TMEM39B: variants seen among roughly 807,000 people sequenced by gnomAD.
The protein encoded by TMEM39B is transmembrane protein 39B.
TMEM39B carries 23 observed loss-of-function variants against 52.2 expected under a neutral mutation model. The observed-to-expected ratio is 0.44, with a 90% CI of 0.32 to 0.62. The LOEUF is 0.62. Among genes scored for constraint, TMEM39B ranks in the 20% least tolerant of loss-of-function variants. The pLI is 0.06. For synonymous variants in TMEM39B, 285 were observed against 264.0 expected (o/e 1.08, Z -0.77); for missense variants, 547 against 642.0 (o/e 0.85, Z 1.60).
At chr1:32,075,873 T>G in intron 3 of TMEM39B, 51 bp downstream of exon 3, 2 of 1,200,528 alleles carry the variant, frequency 1.7e-6, no homozygotes, top group Non-Finnish European at 1.2e-6. Context: ...TGCGTGTGTG[T>G]GTATGTGTGT....
chr1:32,080,077 A>G (rs1640030427), intron 5 of TMEM39B, among the ~76,000 whole-genome samples: 1 of 151,692 alleles, frequency 6.6e-6, no homozygotes, highest in Non-Finnish European at 1.5e-5. Context: ...CTTAGTAGAG[A>G]TGGGGTTTCA....
At chr1:32,077,104 G>A in intron 4 of TMEM39B, 60 bp from the exon 5 acceptor site, 1 of 1,596,916 alleles carries the variant, frequency 6.3e-7, no homozygotes, top group South Asian at 1.1e-5. Context: ...GTGGGATTTG[G>A]GCACAGCCCC....
intron 5 of TMEM39B, among the ~76,000 whole-genome samples, chr1:32,084,474 A>G (rs184949268): frequency 1.1e-4 from 16 of 152,284 alleles, no homozygotes; most frequent in African/African-American, 2.6e-4. Context: ...TACTTTAACA[A>G]TGGGTACGTT....
Position 32,091,793 on chromosome 1 carries a change from GA to G in TMEM39B, c.710del (p.Asp237AlafsTer4). The G allele has an allele frequency of 6.2e-7, 1 of 1,614,220 alleles. No individual in the cohort carries two copies. Among genetic ancestry groups the G allele is most frequent in the Non-Finnish European group, 8.5e-7 (1 of 1,180,046 alleles). ...EAVSGLAKSR[D>X]YLLTLRETWK... ...GGTCAGTGGCCTGGCAAAGAGCCGG[GA>G]CTACCTCCTGACACTGCGGGAGACG... On this transcript the variant is annotated frameshift_variant, in exon 6 of 9. Coordinates refer to ENST00000336294, the MANE Select transcript of TMEM39B (RefSeq NM_018056.4). LOFTEE classifies it high-confidence loss of function.
chr1:32,102,691 G>T lies in TMEM39B; in HGVS notation c.*18G>T. On this transcript the variant is annotated 3_prime_UTR_variant, in exon 9 of 9. Transcript: ENST00000336294. The stretch of plus-strand genomic sequence containing the variant: ...TCTCCTGAGCCCTGGGGTCACCTCA[G>T]GGACAGCGTCCAGGCTTCAGCCAAG... The T allele has an allele frequency of 1.3e-6, 2 of 1,497,966 alleles. No homozygotes were observed. Among genetic ancestry groups the T allele is most frequent in the South Asian group, 2.8e-5 (2 of 72,274 alleles). The allele number at this position is 1,497,966 out of a possible 1,614,324, so 92.8% of individuals were successfully genotyped here.
intron 6 of TMEM39B, among the ~76,000 whole-genome samples, chr1:32,093,851 C>T (rs1557437413): frequency 6.6e-6 from 1 of 151,846 alleles, no homozygotes; most frequent in Non-Finnish European, 1.5e-5. Flanking sequence ...CAGAGTCTCG[C>T]TCTGTTGCCC....
intron 6 of TMEM39B, among the ~76,000 whole-genome samples, chr1:32,094,006 G>C (rs1369386653): frequency 6.8e-6 from 1 of 147,566 alleles, no homozygotes; most frequent in African/African-American, 2.5e-5. Context: ...TTTTAGTAGA[G>C]ATGGGGTTTC....
At chr1:32,097,995 CT>C (rs1640876226) in intron 7 of TMEM39B, among the ~76,000 whole-genome samples, 1 of 151,636 alleles carries the variant, frequency 6.6e-6, no homozygotes, top group Non-Finnish European at 1.5e-5. Flanking sequence ...CGCACAATAA[CT>C]TTTCTTTTTT....
intron 2 of TMEM39B, among the ~76,000 whole-genome samples, 159 bp downstream of exon 2, chr1:32,075,236 G>T (rs909957662): frequency 2.0e-5 from 3 of 152,190 alleles, no homozygotes; most frequent in Admixed American, 2.0e-4. Context: ...TCAGTTGAGG[G>T]TGATCACTTG....
At position 32,075,839 on chromosome 1, in the gene TMEM39B, GGTGTGTGTGTGT is replaced by G. The variant is rs3831938; in HGVS notation, c.351+31_351+42del. Reference sequence around the variant, plus strand: ...ACCTCCCTGGTAGGTACCCAACAAGGGTGTGTGTGTGTGTGTGTGTGTGTGCGTGTGTGTGTA... The same window carrying G: ...ACCTCCCTGGTAGGTACCCAACAAGGGTGTGTGTGTGTGCGTGTGTGTGTA... On this transcript the variant is annotated intron_variant, in intron 3 of 8. Coordinates refer to ENST00000336294, the MANE Select transcript of TMEM39B (RefSeq NM_018056.4). 6.3e-6 allele frequency: 8 copies of G among 1,260,902 alleles called. No homozygotes were observed. The highest frequency in any genetic ancestry group is 3.1e-5 in the African/African-American group (2 of 64,356). 78.1% of individuals were successfully genotyped at this position (1,260,902 alleles called of 1,614,324 possible).
chr1:32,083,254 T>C (rs1004589332), intron 5 of TMEM39B, among the ~76,000 whole-genome samples: 9 of 150,724 alleles, frequency 6.0e-5, no homozygotes, highest in African/African-American at 2.2e-4. Context: ...CAGCTAATTT[T>C]GTATTTTCCG....
chr1:32,099,033 G>A (rs986787570), intron 7 of TMEM39B, among the ~76,000 whole-genome samples: 3 of 152,016 alleles, frequency 2.0e-5, no homozygotes, highest in Admixed American at 6.6e-5. Flanking sequence ...GGCAGATCAC[G>A]TGAGGTCAGC....
intron 5 of TMEM39B, among the ~76,000 whole-genome samples, chr1:32,084,854 T>C (rs1382810270): frequency 2.6e-5 from 4 of 152,152 alleles, no homozygotes; most frequent in East Asian, 3.9e-4. Context: ...GTGTGAGCCA[T>C]CGCACCCAGT....
rs1313295123 is a variant in TMEM39B, at chr1:32,094,828, G to T, written c.972G>T (p.Leu324=). Residue 324 remains leucine (L), a synonymous_variant, in exon 7 of 9, where the codon CTG becomes CTT. Coordinates refer to ENST00000336294, the MANE Select transcript of TMEM39B (RefSeq NM_018056.4). The part of the protein sequence containing the change: ...YDKRWSCELF[L]LVSISTSVIL... ...AGCGCTGGTCCTGTGAACTCTTCCT[G>T]CTGGTGTCCATCAGCACCTCCGTGA... 1.9e-6 allele frequency: 3 copies of T among 1,614,096 alleles called. No homozygotes were observed. The highest frequency in any genetic ancestry group is 2.7e-5 in the African/African-American group (2 of 74,950).
chr1:32,083,371 C>T (rs924989909), intron 5 of TMEM39B, among the ~76,000 whole-genome samples: 11 of 150,126 alleles, frequency 7.3e-5, no homozygotes, highest in Non-Finnish European at 1.3e-4. Flanking sequence ...GTGTGAGCTA[C>T]CACGCCTGGC....
At chr1:32,091,496 G>A (rs1640599984) in intron 5 of TMEM39B, among the ~76,000 whole-genome samples, 179 bp from the exon 6 acceptor site, 2 of 152,194 alleles carry the variant, frequency 1.3e-5, no homozygotes, top group Non-Finnish European at 2.9e-5. Flanking sequence ...GTGGTAATAC[G>A]TGTGCTGAGT....
chr1:32,073,459 GAGCCCA>G, intron 1 of TMEM39B: 1 of 816,940 alleles, frequency 1.2e-6, no homozygotes, highest in Middle Eastern at 5.4e-4. Context: ...CCGACTGAGG[GAGCCCA>G]TTCTGGAGTG....
chr1:32,080,385 G>A (rs1640044671), intron 5 of TMEM39B, among the ~76,000 whole-genome samples: 1 of 151,966 alleles, frequency 6.6e-6, no homozygotes. Context: ...AGAGTTGCCT[G>A]TCGGACGCGG....
intron 7 of TMEM39B, among the ~76,000 whole-genome samples, chr1:32,095,967 T>C (rs1158389469): frequency 6.6e-6 from 1 of 152,118 alleles, no homozygotes; most frequent in Non-Finnish European, 1.5e-5. Context: ...AGAACATAGC[T>C]GAACATGAGG....
Sources: allele counts gnomAD v4.1 joint callset (sites outside exome capture counted in the v4.1 genomes callset), GRCh38; gene constraint gnomAD v4.1.1; transcripts MANE v1.5; gene names NCBI Gene and HGNC (gene_info 2026-07-23, HGNC 2026-07-21).